ERC2: variants seen among roughly 807,000 people sequenced by gnomAD.
The protein encoded by ERC2 is ERC protein 2.
ERC2 carries 42 observed loss-of-function variants against 114.8 expected under a neutral mutation model. The observed-to-expected ratio is 0.37, with a 90% CI of 0.29 to 0.47. ERC2 has a LOEUF of 0.47. ERC2 is among the 20% of genes least tolerant of loss of function. ERC2 has a pLI of 0.99. For synonymous variants in ERC2, 454 were observed against 425.5 expected (o/e 1.07, Z -0.82); for missense variants, 939 against 1,150.7 (o/e 0.82, Z 2.66).
At chr3:55,557,243 C>T (rs2055678663) in intron 17 of ERC2, among the ~76,000 whole-genome samples, 1 of 152,094 alleles carries the variant, frequency 6.6e-6, no homozygotes. Context: ...AGATGGCCCC[C>T]CCAGTGGAGG....
intron 3 of ERC2, among the ~76,000 whole-genome samples, chr3:56,217,491 A>G (rs964399603): frequency 2.2e-4 from 33 of 152,338 alleles, no homozygotes; most frequent in Admixed American, 1.1e-3. Flanking sequence ...ATAAAAGAGG[A>G]TACAAACAAA....
At chr3:56,342,763 G>A (rs1478191820) in intron 2 of ERC2, among the ~76,000 whole-genome samples, 2 of 152,106 alleles carry the variant, frequency 1.3e-5, no homozygotes, top group African/African-American at 4.8e-5. Flanking sequence ...ATTTTTAATT[G>A]AAGAAAGAGG....
intron 14 of ERC2, among the ~76,000 whole-genome samples, chr3:55,768,232 G>T (rs1196111318): frequency 6.6e-6 from 1 of 152,198 alleles, no homozygotes; most frequent in Non-Finnish European, 1.5e-5. Context: ...AGCAATGTGA[G>T]AATGGACTAA....
chr3:56,239,342 C>A (rs533751602), intron 3 of ERC2, among the ~76,000 whole-genome samples: 1 of 151,460 alleles, frequency 6.6e-6, no homozygotes, highest in Admixed American at 6.6e-5. Context: ...CATGGTGAAA[C>A]CCTGTCACAA....
intron 14 of ERC2, among the ~76,000 whole-genome samples, chr3:55,802,763 A>T (rs2059351313): frequency 6.6e-6 from 1 of 150,666 alleles, no homozygotes; most frequent in Non-Finnish European, 1.5e-5. Context: ...TTTAGGGGGA[A>T]TTTTTTTTTT....
intron 15 of ERC2, among the ~76,000 whole-genome samples, chr3:55,727,727 A>AT (rs2065007821): frequency 6.6e-6 from 1 of 152,252 alleles, no homozygotes. Context: ...GATTCCCTTC[A>AT]TAACAGCAAG....
At chr3:55,762,840 C>T (rs1248687987) in intron 14 of ERC2, among the ~76,000 whole-genome samples, 1 of 152,218 alleles carries the variant, frequency 6.6e-6, no homozygotes, top group Non-Finnish European at 1.5e-5. Context: ...AGAGACCTAA[C>T]TTACTCCATA....
At chr3:55,525,947 C>T (rs896553179) in intron 17 of ERC2, among the ~76,000 whole-genome samples, 3 of 152,230 alleles carry the variant, frequency 2.0e-5, no homozygotes, top group South Asian at 4.2e-4. Context: ...GTGAATGTGA[C>T]CTTGTTTGGA....
chr3:56,295,956 A>T, intron 3 of ERC2, 63 bp downstream of exon 3: 3 of 1,478,092 alleles, frequency 2.0e-6, no homozygotes, highest in Non-Finnish European at 2.7e-6. Context: ...CTGTGAAAAT[A>T]ACTTGATAAC....
At chr3:56,037,121 CA>C in intron 7 of ERC2, among the ~76,000 whole-genome samples, 1 of 152,166 alleles carries the variant, frequency 6.6e-6, no homozygotes, top group Non-Finnish European at 1.5e-5. Flanking sequence ...GCTAAAAACT[CA>C]AAAACCCAGA....
chr3:55,942,266 C>CTTTT (rs56851837), intron 13 of ERC2, among the ~76,000 whole-genome samples: 715 of 42,184 alleles, frequency 0.017, 63 homozygotes, highest in African/African-American at 0.018. Context: ...AAGGTCCTTT[C>CTTTT]TTTTTTTTTT....
chr3:56,112,651 G>A (rs17235375), intron 6 of ERC2, among the ~76,000 whole-genome samples: 20,406 of 152,042 alleles, frequency 0.13, 1,473 homozygotes, highest in East Asian at 0.16. Flanking sequence ...GTAAGTTCAG[G>A]GGTAAACTGT....
intron 2 of ERC2, among the ~76,000 whole-genome samples, chr3:56,360,937 A>G (rs2058932967): frequency 6.6e-6 from 1 of 152,120 alleles, no homozygotes; most frequent in Non-Finnish European, 1.5e-5. Flanking sequence ...AATAAAAATA[A>G]AAAGAGTTCA....
rs869296098 is a variant in ERC2 at position 55,675,903 on chromosome 3, CTTTTTTTTTTTTTT to C, written c.*39+7877_*39+7890del. The stretch of plus-strand genomic sequence containing the variant: ...TTCCATCTTTCTTTCTCTTTTCTTT[CTTTTTTTTTTTTTT>C]TTTTTTTTTTTTTTTTTTTTGAGAG... On this transcript the variant is annotated intron_variant, in intron 17 of 17. Transcript: ENST00000288221. 0.018 allele frequency among the ~76,000 whole-genome samples: 866 copies of C among 47,998 alleles called. 30 individuals are homozygous for C. The East Asian group carries it at 0.24, about 13-fold the overall frequency. 31.5% of individuals were successfully genotyped at this position (47,998 alleles called of 152,430 possible).
intron 17 of ERC2, 138 bp downstream of exon 17, chr3:55,683,656 G>C: frequency 7.1e-6 from 5 of 701,962 alleles, no homozygotes; most frequent in Non-Finnish European, 1.2e-5. Flanking sequence ...AGGGCACGCG[G>C]ACATTCTGCG....
intron 17 of ERC2, among the ~76,000 whole-genome samples, chr3:55,664,896 G>A (rs571300785): frequency 2.6e-5 from 4 of 152,330 alleles, no homozygotes; most frequent in African/African-American, 9.6e-5. Flanking sequence ...AGAGAGGCAA[G>A]CAGTGATGGA....
chr3:55,597,671 T>A (rs2058210561), intron 17 of ERC2, among the ~76,000 whole-genome samples: 2 of 152,172 alleles, frequency 1.3e-5, no homozygotes, highest in African/African-American at 2.4e-5. Flanking sequence ...GTTCACTGCC[T>A]TCCTGGCCCC....
chr3:55,668,747 C>A (rs2061449105), intron 17 of ERC2, among the ~76,000 whole-genome samples: 1 of 152,178 alleles, frequency 6.6e-6, no homozygotes. Flanking sequence ...ATAGATTATG[C>A]AATATAAAGT....
intron 2 of ERC2, among the ~76,000 whole-genome samples, chr3:56,305,512 C>CCACACACACACACA (rs58751787): frequency 2.8e-4 from 40 of 144,338 alleles, no homozygotes; most frequent in African/African-American, 8.5e-4. Context: ...ACTCTCTTAT[C>CCACACACACACACA]CACACACACA....
Sources: gnomAD v4.1 joint callset for allele counts (sites outside exome capture counted in the v4.1 genomes callset) on GRCh38, gnomAD v4.1.1 for gene constraint, MANE v1.5 for transcripts, NCBI Gene and HGNC (gene_info 2026-07-23, HGNC 2026-07-21) for gene names.